The following PDE10A variants were observed in gnomAD, a reference collection of about 807,000 sequenced individuals.
The protein encoded by PDE10A is phosphodiesterase 10A, also known as cAMP and cAMP-inhibited cGMP 3',5'-cyclic phosphodiesterase 10A.
PDE10A carries 39 observed loss-of-function variants against 97.7 expected under a neutral mutation model. That is an observed-to-expected ratio of 0.40 (90% CI 0.31 to 0.52). The LOEUF (loss-of-function observed/expected upper bound fraction) is 0.52, where lower values mean the gene tolerates loss of function less well. Ranked by LOEUF, PDE10A falls within the 20% of genes least tolerant of loss-of-function variation. The pLI, the probability that PDE10A is intolerant of heterozygous loss-of-function variation, is 0.56. For synonymous variants in PDE10A, 371 were observed against 376.8 expected, an observed-to-expected ratio of 0.98 and a Z score of 0.18; for missense variants, 731 against 1,047.8, an observed-to-expected ratio of 0.70 and a Z score of 4.17.
intron 1 of PDE10A, among the ~76,000 whole-genome samples, chr6:165,813,223 G>A (rs1052763838): frequency 6.6e-6 from 1 of 152,138 alleles, no homozygotes; most frequent in African/African-American, 2.4e-5. Flanking sequence ...GCTCTCTAGA[G>A]TATGGTTTGA....
Position 165,930,020 on chromosome 6 carries a change from GCA to G in PDE10A, c.-615+57507_-615+57508del, listed in dbSNP as rs1343582765. 1.5e-3 allele frequency among the ~76,000 whole-genome samples: 227 copies of G among 150,070 alleles called. 1 individual carries two copies. The highest frequency in any genetic ancestry group is 5.3e-3 in the African/African-American group (215 of 40,626). ...GAAGAGAGTGCTCCCTAATGACCAG[GCA>G]CATATCACTCCAGAAATGAGGGTGG... On this transcript the variant is annotated intron_variant, in intron 1 of 19. Coordinates refer to the PDE10A transcript ENST00000366882.
chr6:165,868,574 T>A (rs1781117312), intron 1 of PDE10A, among the ~76,000 whole-genome samples: 1 of 151,874 alleles, frequency 6.6e-6, no homozygotes, highest in South Asian at 2.1e-4. Context: ...CTGAATTCTA[T>A]GAAACTTCTA....
At chr6:165,403,869 C>T (rs941278921) in intron 13 of PDE10A, among the ~76,000 whole-genome samples, 1 of 152,118 alleles carries the variant, frequency 6.6e-6, no homozygotes, top group Non-Finnish European at 1.5e-5. Context: ...ACCTAACGAC[C>T]TTCAGTTTCA....
chr6:165,330,812 A>G lies in PDE10A; in HGVS notation c.*2213T>C, dbSNP rs575377777. 2.4e-3 allele frequency: 365 copies of G among 152,318 alleles called. 2 individuals carry two copies. The highest frequency in any genetic ancestry group is 8.5e-3 in the African/African-American group (352 of 41,584). The allele number at this position is 152,318 out of a possible 1,614,324, so 9.4% of individuals were successfully genotyped here. A position where few individuals can be genotyped will look rare whatever the true frequency, so the allele number is the denominator to read the frequency against. On this transcript the variant is annotated 3_prime_UTR_variant, in exon 22 of 22. Coordinates refer to ENST00000539869, the MANE Select transcript of PDE10A (RefSeq NM_001385079.1). ...ATTAAACAATAATCTTAAATAATATATCCCTTCCTGAAATTCCATCTCCAA... is the reference window on the plus strand; with the variant it reads ...ATTAAACAATAATCTTAAATAATATGTCCCTTCCTGAAATTCCATCTCCAA...
chr6:165,496,499 A>G (rs1236634204), intron 2 of PDE10A, among the ~76,000 whole-genome samples: 1 of 152,220 alleles, frequency 6.6e-6, no homozygotes, highest in East Asian at 1.9e-4. Flanking sequence ...TTAGGATTAA[A>G]TGAGATATGG....
Position 165,544,037 on chromosome 6 carries a change from G to A in PDE10A, c.866-469C>T, listed in dbSNP as rs139737852. Reference sequence around the variant, plus strand: ...CCAATGCTGTACATTAAGGCTTACAGAGTACTTATTTTTTCGGTATATAGT... The same window carrying A: ...CCAATGCTGTACATTAAGGCTTACAAAGTACTTATTTTTTCGGTATATAGT... On this transcript the variant is annotated intron_variant, in intron 1 of 21. Transcript: ENST00000539869. 5.3e-4 allele frequency among the ~76,000 whole-genome samples: 81 copies of A among 152,222 alleles called. 1 individual carries two copies. Among genetic ancestry groups the A allele is most frequent in the African/African-American group, 1.8e-3 (75 of 41,556 alleles).
At chr6:165,731,958 A>G (rs772359270) in intron 1 of PDE10A, among the ~76,000 whole-genome samples, 1 of 152,158 alleles carries the variant, frequency 6.6e-6, no homozygotes, top group Non-Finnish European at 1.5e-5. Flanking sequence ...AACTTTTCTA[A>G]ATTTACTTTT....
chr6:165,985,483 C>T (rs1361633490), intron 1 of PDE10A, among the ~76,000 whole-genome samples: 3 of 152,202 alleles, frequency 2.0e-5, no homozygotes, highest in Non-Finnish European at 4.4e-5. Context: ...CTTGAAATCA[C>T]AGCACATCAC....
At chr6:165,929,056 G>A (rs548028553) in intron 1 of PDE10A, among the ~76,000 whole-genome samples, 37 of 152,204 alleles carry the variant, frequency 2.4e-4, no homozygotes, top group East Asian at 1.9e-4. Context: ...CTGACTCCTC[G>A]TCTCTAAAAT....
intron 3 of PDE10A, among the ~76,000 whole-genome samples, chr6:165,465,766 A>G (rs960240788): frequency 6.6e-6 from 1 of 152,220 alleles, no homozygotes; most frequent in Non-Finnish European, 1.5e-5. Flanking sequence ...AATCGCCCCC[A>G]TGATTCAATT....
chr6:165,884,511 T>G (rs188274093), intron 1 of PDE10A, among the ~76,000 whole-genome samples: 102 of 152,258 alleles, frequency 6.7e-4, no homozygotes, highest in Non-Finnish European at 1.1e-3. Context: ...AAGCCACGGG[T>G]CCTTTACTGT....
At chr6:165,699,662 A>G (rs1441620306) in intron 1 of PDE10A, among the ~76,000 whole-genome samples, 1 of 152,230 alleles carries the variant, frequency 6.6e-6, no homozygotes, top group South Asian at 2.1e-4. Flanking sequence ...CAATGGAATA[A>G]AATTGGAAAT....
At position 165,351,084 on chromosome 6, in the gene PDE10A, G is replaced by T. The variant is rs148130186; in HGVS notation, c.2784-7582C>A. 6.4e-3 allele frequency among the ~76,000 whole-genome samples: 980 copies of T among 152,282 alleles called. 13 individuals are homozygous for T. Among genetic ancestry groups the T allele is most frequent in the Admixed American group, 0.031 (481 of 15,290 alleles). On this transcript the variant is annotated intron_variant, in intron 18 of 21. Transcript: ENST00000539869. Reference sequence around the variant, plus strand: ...AGTTTAAAAAAAATTATTATTAAGTGTAAGGTATTTGTGAAGTCTGCACTG... The same window carrying T: ...AGTTTAAAAAAAATTATTATTAAGTTTAAGGTATTTGTGAAGTCTGCACTG...
At chr6:165,984,172 A>T (rs1308522470) in intron 1 of PDE10A, among the ~76,000 whole-genome samples, 2 of 152,158 alleles carry the variant, frequency 1.3e-5, no homozygotes, top group Non-Finnish European at 2.9e-5. Context: ...GCTAAAAAAA[A>T]CTGTACAACA....
chr6:165,862,793 C>A (rs1318559703), intron 1 of PDE10A, among the ~76,000 whole-genome samples: 2 of 151,996 alleles, frequency 1.3e-5, no homozygotes, highest in Admixed American at 1.3e-4. Context: ...ATTCTCCTGC[C>A]TCAGCCTCCC....
chr6:165,815,442 A>G (rs1421608049), intron 1 of PDE10A, among the ~76,000 whole-genome samples: 1 of 152,200 alleles, frequency 6.6e-6, no homozygotes, highest in African/African-American at 2.4e-5. Flanking sequence ...CCCAGAGAGA[A>G]GAGACAACAA....
intron 1 of PDE10A, among the ~76,000 whole-genome samples, chr6:165,813,853 G>C (rs1362934146): frequency 6.6e-6 from 1 of 151,996 alleles, no homozygotes; most frequent in Non-Finnish European, 1.5e-5. Flanking sequence ...ACAAGTACTA[G>C]GGCCACAATG....
intron 1 of PDE10A, among the ~76,000 whole-genome samples, chr6:165,875,482 G>A (rs1313149660): frequency 6.6e-6 from 1 of 152,116 alleles, no homozygotes; most frequent in African/African-American, 2.4e-5. Context: ...ACTTCAGAGG[G>A]AATTATCTTA....
rs556265018 is a variant in PDE10A, at chr6:165,515,235, A to G, written c.994+28205T>C. 1.4e-4 allele frequency among the ~76,000 whole-genome samples: 22 copies of G among 152,282 alleles called. No individual in the cohort carries two copies. The South Asian group carries it at 1.7e-3, about 11-fold the overall frequency. On this transcript the variant is annotated intron_variant, in intron 2 of 21. Transcript: ENST00000539869. ...ATGTTTCTAAAATGTTTTTAAGGTC[A>G]TAAGTTCACAGTTTAGGATATAAAT...
Sources: allele counts gnomAD v4.1 joint callset (sites outside exome capture counted in the v4.1 genomes callset), GRCh38; gene constraint gnomAD v4.1.1; transcripts MANE v1.5; gene names NCBI Gene and HGNC (gene_info 2026-07-23, HGNC 2026-07-21).